RASGRF1: variants seen among roughly 807,000 people sequenced by gnomAD.
RASGRF1 encodes ras-specific guanine nucleotide-releasing factor 1.
In RASGRF1, 40 loss-of-function variants were observed where a neutral mutation model predicts 138.7. The ratio of observed to expected loss-of-function variants is 0.29; its 90% CI spans 0.22 to 0.38. The LOEUF is 0.38. Ranked by LOEUF, RASGRF1 falls within the 10% of genes least tolerant of loss-of-function variation. The pLI, the probability that RASGRF1 is intolerant of heterozygous loss-of-function variation, is 1.00. For synonymous variants in RASGRF1, 614 were observed against 663.2 expected, an observed-to-expected ratio of 0.93 and a Z score of 1.14; for missense variants, 1,108 against 1,650.4, an observed-to-expected ratio of 0.67 and a Z score of 5.69.
At chr15:79,004,729 A>G in intron 14 of RASGRF1, 1 of 985,768 alleles carries the variant, frequency 1.0e-6, no homozygotes, top group Non-Finnish European at 1.2e-6. Context: ...TCCTCATGAC[A>G]GGGTTCCACC....
intron 1 of RASGRF1, among the ~76,000 whole-genome samples, chr15:79,080,650 A>G (rs576885364): frequency 7.4e-4 from 113 of 152,304 alleles, no homozygotes; most frequent in African/African-American, 2.6e-3. Flanking sequence ...TTATTTTAAG[A>G]TCTGAGTTGG....
chr15:79,004,342 T>A (rs903978269), intron 14 of RASGRF1, among the ~76,000 whole-genome samples, 167 bp from the exon 15 acceptor site: 3 of 152,110 alleles, frequency 2.0e-5, no homozygotes, highest in Admixed American at 2.0e-4. Flanking sequence ...ACAATGCGAT[T>A]AAATGGCCTG....
intron 20 of RASGRF1, among the ~76,000 whole-genome samples, chr15:78,993,830 G>C (rs1477287994): frequency 6.6e-6 from 1 of 152,178 alleles, no homozygotes; most frequent in Non-Finnish European, 1.5e-5. Context: ...CCAAGGTGGG[G>C]TGGTTGGCTC....
intron 26 of RASGRF1, among the ~76,000 whole-genome samples, chr15:78,970,371 A>G (rs1192716012): frequency 6.6e-6 from 1 of 152,090 alleles, no homozygotes; most frequent in Non-Finnish European, 1.5e-5. Flanking sequence ...AAATACAAAA[A>G]TTATTGGGGC....
At chr15:79,072,193 C>T (rs1393663634) in intron 1 of RASGRF1, among the ~76,000 whole-genome samples, 2 of 150,300 alleles carry the variant, frequency 1.3e-5, no homozygotes, top group East Asian at 2.0e-4. Flanking sequence ...ATATTGCCAG[C>T]GACTGCCTGA....
At chr15:78,984,357 A>G (rs955869984) in intron 23 of RASGRF1, 1 of 156,230 alleles carries the variant, frequency 6.4e-6, no homozygotes, top group African/African-American at 2.4e-5. Flanking sequence ...GTCCTCTCCT[A>G]TAAGGAGTGC....
rs1478119894 is a variant in RASGRF1, at chr15:79,032,896, C to T, written c.959-580G>A. ...GGACACTCCCCAAGAGGCCACCCTC[C>T]CTCCTGCAGTCTCCGTCCTGAGACA... On this transcript the variant is annotated intron_variant, in intron 6 of 26. Coordinates refer to ENST00000558480, the MANE Select transcript of RASGRF1 (RefSeq NM_001145648.3). The surrounding 1 kb of genome is among the most constrained non-coding windows in gnomAD (Gnocchi z 4.5). 6.6e-6 allele frequency among the ~76,000 whole-genome samples: 1 copy of T among 152,200 alleles called. No homozygotes were observed. Among genetic ancestry groups the T allele is most frequent in the Non-Finnish European group, 1.5e-5 (1 of 68,024 alleles).
intron 1 of RASGRF1, among the ~76,000 whole-genome samples, chr15:79,067,008 G>A (rs575361897): frequency 1.3e-5 from 2 of 152,204 alleles, no homozygotes; most frequent in African/African-American, 4.8e-5. Flanking sequence ...TAGGCCCCAC[G>A]ACCTTTCTCC....
At chr15:78,966,334 T>C (rs987964836) in intron 26 of RASGRF1, among the ~76,000 whole-genome samples, 2 of 149,178 alleles carry the variant, frequency 1.3e-5, no homozygotes, top group Non-Finnish European at 3.0e-5. Flanking sequence ...CCTCTTGGGC[T>C]CAAGTGATCT....
At chr15:79,089,955 C>T in intron 1 of RASGRF1, among the ~76,000 whole-genome samples, 1 of 152,218 alleles carries the variant, frequency 6.6e-6, no homozygotes, top group Non-Finnish European at 1.5e-5. Flanking sequence ...GGTGTCGGCC[C>T]CTCTGTACCC....
At position 79,004,683 on chromosome 15, in the gene RASGRF1, C is replaced by T. The variant is rs147022879; in HGVS notation, c.2076-508G>A. 6.9e-4 allele frequency: 685 copies of T among 986,020 alleles called. 2 individuals are homozygous for T. The African/African-American group carries it at 0.011, about 16-fold the overall frequency. 61.1% of individuals were successfully genotyped at this position (986,020 alleles called of 1,614,324 possible). On this transcript the variant is annotated intron_variant, in intron 14 of 26. Transcript: ENST00000558480. ...GGGCTTGAGCGGCCCTATATGCAAA[C>T]TTAGGGGGATGGGAAGCTGAAAGTG...
intron 12 of RASGRF1, among the ~76,000 whole-genome samples, chr15:79,016,915 G>A (rs1373203): frequency 0.47 from 72,064 of 151,956 alleles, 18,052 homozygotes; most frequent in East Asian, 0.82. Flanking sequence ...TAGACCATGG[G>A]GGGCCACCAA....
intron 22 of RASGRF1, 180 bp from the exon 23 acceptor site, chr15:78,985,384 A>G (rs932326563): frequency 2.5e-5 from 15 of 609,414 alleles, no homozygotes; most frequent in Middle Eastern, 8.5e-4. Flanking sequence ...ACAAAAATGA[A>G]AAGTTTATAT....
chr15:78,998,858 C>T, intron 17 of RASGRF1, 33 bp from the exon 18 acceptor site: 1 of 1,533,664 alleles, frequency 6.5e-7, no homozygotes, highest in African/African-American at 1.4e-5. Context: ...GGAGAGAGGA[C>T]AGGTGAGGAC....
At chr15:79,068,747 A>G (rs1173283886) in intron 1 of RASGRF1, among the ~76,000 whole-genome samples, 1 of 151,612 alleles carries the variant, frequency 6.6e-6, no homozygotes. Flanking sequence ...GTTGTTCCCA[A>G]TCTCTCCCAT....
chr15:79,072,213 G>A (rs879819815), intron 1 of RASGRF1, among the ~76,000 whole-genome samples: 4 of 151,482 alleles, frequency 2.6e-5, no homozygotes, highest in African/African-American at 4.9e-5. Context: ...AGGACCTCAC[G>A]AGGGTGGTGG....
At chr15:78,967,826 G>A (rs1016981201) in intron 26 of RASGRF1, among the ~76,000 whole-genome samples, 1 of 152,120 alleles carries the variant, frequency 6.6e-6, no homozygotes, top group Admixed American at 6.5e-5. Flanking sequence ...ATAGTGTAGT[G>A]TTTCCCCCAC....
chr15:78,998,022 C>G, intron 19 of RASGRF1, 74 bp downstream of exon 19: 1 of 1,360,770 alleles, frequency 7.3e-7, no homozygotes, highest in Non-Finnish European at 1.0e-6. Context: ...CTCTGACCAG[C>G]CCACATGGAG....
rs368023369 is a variant in RASGRF1 at position 79,049,463 on chromosome 15, C to G, written c.624+33G>C. The G allele has an allele frequency of 2.5e-6, 4 of 1,602,168 alleles. No homozygotes were observed. The African/African-American group carries it at 5.4e-5, about 21-fold the overall frequency. The stretch of plus-strand genomic sequence containing the variant: ...GGGCTGGCTCTCTAAAGAGAGAGCT[C>G]CAAAGAAGGCCACCCAGAGGGATAG... On this transcript the variant is annotated intron_variant, in intron 4 of 26. Transcript: ENST00000558480.
Sources: gnomAD v4.1 joint callset for allele counts (sites outside exome capture counted in the v4.1 genomes callset) on GRCh38, gnomAD v4.1.1 for gene constraint, Gnocchi (gnomAD v3.1) non-coding constraint, MANE v1.5 for transcripts, NCBI Gene and HGNC (gene_info 2026-07-23, HGNC 2026-07-21) for gene names.